Variants in TBC1D4 observed in about 807,000 individuals in gnomAD.
TBC1D4 encodes TBC1 domain family member 4.
A neutral mutation model predicts 142.5 loss-of-function variants in TBC1D4; 121 were observed. The ratio of observed to expected loss-of-function variants is 0.85; its 90% CI spans 0.73 to 0.99. The LOEUF (loss-of-function observed/expected upper bound fraction) is 0.99, where lower values mean the gene tolerates loss of function less well. Among genes scored for constraint, TBC1D4 ranks in the 50% least tolerant of loss-of-function variants. The probability of loss-of-function intolerance (pLI) is 0.00; values close to 1 mark genes in which losing one functional copy is unlikely to be tolerated. For missense variants in TBC1D4, 1,475 were observed against 1,606.6 expected, an observed-to-expected ratio of 0.92 and a Z score of 1.40; for synonymous variants, 630 against 628.2, an observed-to-expected ratio of 1.00 and a Z score of -0.04.
At chr13:75,348,393 C>T (rs1881324415) in intron 5 of TBC1D4, among the ~76,000 whole-genome samples, 1 of 152,234 alleles carries the variant, frequency 6.6e-6, no homozygotes, top group Non-Finnish European at 1.5e-5. Context: ...CTGTCTCCCA[C>T]TCTAGACTGT....
intron 1 of TBC1D4, among the ~76,000 whole-genome samples, chr13:75,450,009 T>G (rs1286779952): frequency 6.6e-6 from 1 of 152,108 alleles, no homozygotes; most frequent in Non-Finnish European, 1.5e-5. Flanking sequence ...TTTATATTGT[T>G]TTGTGTGGAT....
chr13:75,340,807 G>GT (rs1159109303), intron 7 of TBC1D4, among the ~76,000 whole-genome samples: 1 of 152,142 alleles, frequency 6.6e-6, no homozygotes, highest in Non-Finnish European at 1.5e-5. Context: ...TTAGCCGGGT[G>GT]TGGTGGTGCA....
In TBC1D4 at chr13:75,289,069, C is replaced by T; in HGVS notation, c.3528G>A (p.Glu1176=). The change falls in exon 20 of 21, where the codon GAG becomes GAA. Residue 1176 remains glutamate, a synonymous_variant. Transcript: ENST00000377636. ...CATCCTGTAGCACATGATATTCCAC[C>T]TCATAGGCATGCAACTGCTTAGAAA... ...MDISKQLHAY[E]VEYHVLQDEL... 1.2e-6 allele frequency: 2 copies of T among 1,613,796 alleles called. No homozygotes were observed. The highest frequency in any genetic ancestry group is 1.7e-6 in the Non-Finnish European group (2 of 1,179,866).
In TBC1D4 at chr13:75,341,148, C is replaced by G. The variant is rs1319082410; in HGVS notation, c.1588G>C (p.Val530Leu). ...ACAGAAGGGCCTTCCCCGATGTGCA[C>G]GTGTGTCTTCTGCTTGGCTTCACAC... ...QLCEAKQKTH[V>L]HIGEGPSTIS... Residue 530 changes from valine to leucine, a missense_variant, in exon 7 of 21, where the codon GTG (valine) becomes CTG (leucine). Coordinates refer to ENST00000377636, the MANE Select transcript of TBC1D4 (RefSeq NM_014832.5). 6.2e-7 allele frequency: 1 copy of G among 1,613,110 alleles called. No individual in the cohort carries two copies. The highest frequency in any genetic ancestry group is 1.3e-5 in the African/African-American group (1 of 74,716).
At chr13:75,290,972 C>T (rs1042368925) in intron 19 of TBC1D4, among the ~76,000 whole-genome samples, 3 of 152,144 alleles carry the variant, frequency 2.0e-5, no homozygotes, top group Non-Finnish European at 4.4e-5. Flanking sequence ...TAAACTTTAT[C>T]AATGCTCATA....
chr13:75,323,891 A>T (rs928062141), intron 11 of TBC1D4, among the ~76,000 whole-genome samples: 17 of 152,306 alleles, frequency 1.1e-4, no homozygotes, highest in Non-Finnish European at 5.9e-5. Context: ...GCCAAGGAAA[A>T]AAAAAGGCAC....
chr13:75,335,552 TC>T lies in TBC1D4; in HGVS notation c.1731+1368del, dbSNP rs1880124993. Among the ~76,000 whole-genome samples the T allele has an allele frequency of 9.8e-5, 15 of 152,300 alleles. No homozygotes were observed. In the South Asian group the frequency reaches 2.9e-3, roughly 29 times the overall value. On this transcript the variant is annotated intron_variant, in intron 8 of 20. Transcript: ENST00000377636. ...CCCAAATCTCATGTCAGATTGTAAT[TC>T]CCAATGTTGGAGGTCGGCCTGGTGG...
At chr13:75,437,694 G>A (rs775646171) in intron 1 of TBC1D4, among the ~76,000 whole-genome samples, 4 of 151,832 alleles carry the variant, frequency 2.6e-5, no homozygotes, top group Non-Finnish European at 4.4e-5. Context: ...AGTAGCTGAT[G>A]TCTTTAAAAG....
At chr13:75,320,833 C>T (rs1266904036) in intron 11 of TBC1D4, among the ~76,000 whole-genome samples, 1 of 141,022 alleles carries the variant, frequency 7.1e-6, no homozygotes, top group African/African-American at 2.7e-5. Context: ...GTCATCCTGG[C>T]TAACACGGTG....
At chr13:75,310,254 G>T in intron 13 of TBC1D4, 103 bp from the exon 14 acceptor site, 1 of 1,197,080 alleles carries the variant, frequency 8.4e-7, no homozygotes, top group Non-Finnish European at 1.2e-6. Context: ...ACTTAAAAAT[G>T]TCACAAAGCC....
chr13:75,327,222 C>G (rs191254856), intron 9 of TBC1D4, among the ~76,000 whole-genome samples: 14 of 152,164 alleles, frequency 9.2e-5, no homozygotes, highest in Admixed American at 7.2e-4. Context: ...GTCCCCACTT[C>G]CATCAACAGA....
chr13:75,293,209 A>G (rs1021262014), intron 18 of TBC1D4, among the ~76,000 whole-genome samples: 3 of 152,186 alleles, frequency 2.0e-5, no homozygotes, highest in Non-Finnish European at 4.4e-5. Context: ...CTTTTTTATG[A>G]AAGTTTCTCT....
chr13:75,345,320 C>G (rs968533892), intron 5 of TBC1D4, among the ~76,000 whole-genome samples: 3 of 152,162 alleles, frequency 2.0e-5, no homozygotes, highest in Admixed American at 1.3e-4. Context: ...CTGTTACTAC[C>G]TTTGTTCTTA....
intron 8 of TBC1D4, among the ~76,000 whole-genome samples, chr13:75,330,732 A>G (rs899625313): frequency 1.3e-5 from 2 of 152,394 alleles, no homozygotes; most frequent in African/African-American, 4.8e-5. Flanking sequence ...CACAGGTTAC[A>G]TGGAATTTTG....
chr13:75,473,533 T>G (rs1888503619), intron 1 of TBC1D4, among the ~76,000 whole-genome samples: 1 of 152,296 alleles, frequency 6.6e-6, no homozygotes, highest in East Asian at 1.9e-4. Flanking sequence ...TGTGTGAAAA[T>G]TCACAAAAGT....
chr13:75,403,599 A>G (rs1211992570), intron 1 of TBC1D4, among the ~76,000 whole-genome samples: 1 of 152,214 alleles, frequency 6.6e-6, no homozygotes, highest in East Asian at 1.9e-4. Flanking sequence ...GCTACTCCTT[A>G]CTATCATTCT....
rs1875373901 is a variant in TBC1D4 at position 75,292,163 on chromosome 13, TCAA to T, written c.3422_3424del (p.Val1141del). ...ATCAGGTAGCGTGTTTTTAAGAAAC[TCAA>T]CAATATTTTCAAAGCTCTCACATTC... On this transcript the variant is annotated inframe_deletion, in exon 19 of 21. Coordinates refer to ENST00000377636, the MANE Select transcript of TBC1D4 (RefSeq NM_014832.5). The T allele has an allele frequency of 3.7e-6, 6 of 1,613,404 alleles. No homozygotes were observed. Among genetic ancestry groups the T allele is most frequent in the Non-Finnish European group, 4.2e-6 (5 of 1,179,640 alleles).
intron 7 of TBC1D4, among the ~76,000 whole-genome samples, chr13:75,340,815 G>A (rs898615175): frequency 2.6e-5 from 4 of 152,140 alleles, no homozygotes; most frequent in Admixed American, 2.0e-4. Context: ...GTGTGGTGGT[G>A]CATGCCTGTA....
intron 1 of TBC1D4, among the ~76,000 whole-genome samples, chr13:75,427,698 C>T (rs1555320696): frequency 6.6e-6 from 1 of 152,200 alleles, no homozygotes. Context: ...AATCATTGAT[C>T]TCTTTCACTA....
Sources: allele counts gnomAD v4.1 joint callset (sites outside exome capture counted in the v4.1 genomes callset), GRCh38; gene constraint gnomAD v4.1.1; transcripts MANE v1.5; gene names NCBI Gene and HGNC (gene_info 2026-07-23, HGNC 2026-07-21).